TRAF1: variants seen among roughly 807,000 people sequenced by gnomAD.
The protein encoded by TRAF1 is TNF receptor associated factor 1.
A neutral mutation model predicts 40.9 loss-of-function variants in TRAF1; 23 were observed. The ratio of observed to expected loss-of-function variants is 0.56; its 90% CI spans 0.40 to 0.80. TRAF1 has a LOEUF of 0.80. Ranked by LOEUF, TRAF1 falls within the 30% of genes least tolerant of loss-of-function variation. The probability of loss-of-function intolerance (pLI) is 0.00; values close to 1 mark genes in which losing one functional copy is unlikely to be tolerated. For synonymous variants in TRAF1, 206 were observed against 218.8 expected (o/e 0.94, Z 0.52); for missense variants, 477 against 528.7 (o/e 0.90, Z 0.96).
Position 120,904,585 on chromosome 9 carries a change from T to G in TRAF1, c.*435A>C. 1 of 188,342 alleles carries G rather than the reference T, an allele frequency of 5.3e-6. No individual in the cohort carries two copies. Among genetic ancestry groups the G allele is most frequent in the East Asian group, 1.4e-4 (1 of 6,992 alleles). The allele number at this position is 188,342 out of a possible 1,614,324, so 11.7% of individuals were successfully genotyped here. A position where few individuals can be genotyped will look rare whatever the true frequency, so the allele number is the denominator to read the frequency against. ...CCCATCCCTTCCACCCGGTCCTGTT[T>G]CTGACCCTGGAGAAAAAGAGAGCAG... is the stretch of plus-strand genomic sequence containing the variant. On this transcript the variant is annotated 3_prime_UTR_variant, in exon 8 of 8. Transcript: ENST00000373887.
chr9:120,904,529 G>A lies in TRAF1; in HGVS notation c.*491C>T, dbSNP rs917180418. The A allele has an allele frequency of 1.3e-5, 2 of 157,182 alleles. No homozygotes were observed. Among genetic ancestry groups the A allele is most frequent in the Non-Finnish European group, 2.8e-5 (2 of 71,080 alleles). 9.7% of individuals were successfully genotyped at this position (157,182 alleles called of 1,614,324 possible). A position where few individuals can be genotyped will look rare whatever the true frequency, so the allele number is the denominator to read the frequency against. ...GGTTTGCTTGTTCACCTCCAATGAC[G>A]AGCCTGGACAGACTGCATTCAAACT... is the stretch of plus-strand genomic sequence containing the variant. On this transcript the variant is annotated 3_prime_UTR_variant, in exon 8 of 8. Coordinates refer to ENST00000373887, the MANE Select transcript of TRAF1 (RefSeq NM_005658.5).
At chr9:120,905,316 T>C in intron 7 of TRAF1, 78 bp from the exon 8 acceptor site, 6 of 1,417,816 alleles carry the variant, frequency 4.2e-6, no homozygotes, top group Non-Finnish European at 5.8e-6. Context: ...GGCTCAGAGC[T>C]GTGCTCCACA....
intron 2 of TRAF1, among the ~76,000 whole-genome samples, chr9:120,924,933 G>A (rs7034492): frequency 0.66 from 100,943 of 152,106 alleles, 33,651 homozygotes; most frequent in South Asian, 0.82. Context: ...GGTTTTGGAA[G>A]GAGGGAGAGG....
In TRAF1 at chr9:120,918,120, T is replaced by C. The variant is rs551329777; in HGVS notation, c.229-3820A>G. 6.6e-5 allele frequency among the ~76,000 whole-genome samples: 10 copies of C among 152,248 alleles called. No individual in the cohort carries two copies. In the South Asian group the frequency reaches 2.1e-3, roughly 32 times the overall value. On this transcript the variant is annotated intron_variant, in intron 3 of 7. Coordinates refer to ENST00000373887, the MANE Select transcript of TRAF1 (RefSeq NM_005658.5). ...GAAACCAACTCGCCAATACCGTGCC[T>C]TGAACTTCTGGCCTCCAGAACTGCG... is the stretch of plus-strand genomic sequence containing the variant.
At chr9:120,921,955 G>C (rs2046608605) in intron 3 of TRAF1, among the ~76,000 whole-genome samples, 1 of 152,200 alleles carries the variant, frequency 6.6e-6, no homozygotes, top group Non-Finnish European at 1.5e-5. Context: ...GCCTTGCAGA[G>C]CTGACTTAAT....
At chr9:120,908,185 G>T (rs1387237390) in intron 7 of TRAF1, among the ~76,000 whole-genome samples, 2 of 151,974 alleles carry the variant, frequency 1.3e-5, no homozygotes, top group African/African-American at 4.8e-5. Flanking sequence ...ATATTCTCTT[G>T]CAGGTCAACA....
rs1404108775 is a variant in TRAF1, at chr9:120,912,422, C to T, written c.705+906G>A. Among the ~76,000 whole-genome samples, 45 of 151,982 alleles carry T rather than the reference C, an allele frequency of 3.0e-4. 1 individual carries two copies. The highest frequency in any genetic ancestry group is 6.6e-5 in the Admixed American group (1 of 15,262). The stretch of plus-strand genomic sequence containing the variant: ...CTGTAATCCCAGCACTTTGGGAGGC[C>T]GAGGCAGGTGGATCACGAGGTCAGG... On this transcript the variant is annotated intron_variant, in intron 5 of 7. Coordinates refer to ENST00000373887, the MANE Select transcript of TRAF1 (RefSeq NM_005658.5).
Position 120,913,380 on chromosome 9 carries a change from G to A in TRAF1, c.653C>T (p.Ser218Phe). ...ACGGTCCAGCTGGCTCTGGTGGATA[G>A]AGGTGGCCAGGGCCAGGTGGGAGGC... is the stretch of plus-strand genomic sequence containing the variant. ...VEASHLALAT[S>F]IHQSQLDRER... The change falls in exon 5 of 8, where the codon TCT becomes TTT. Residue 218 changes from serine to phenylalanine, a missense_variant. Coordinates refer to ENST00000373887, the MANE Select transcript of TRAF1 (RefSeq NM_005658.5). The A allele has an allele frequency of 6.2e-7, 1 of 1,613,890 alleles. No homozygotes were observed.
intron 7 of TRAF1, among the ~76,000 whole-genome samples, chr9:120,906,430 C>T (rs997104296): frequency 2.0e-5 from 3 of 152,128 alleles, no homozygotes; most frequent in Admixed American, 1.3e-4. Flanking sequence ...CCACCCACCT[C>T]GGCCTTCCAA....
At chr9:120,915,137 T>C (rs1292082525) in intron 3 of TRAF1, among the ~76,000 whole-genome samples, 1 of 152,068 alleles carries the variant, frequency 6.6e-6, no homozygotes, top group Non-Finnish European at 1.5e-5. Flanking sequence ...GGGAAAAAAG[T>C]TTTTCCAACA....
chr9:120,919,680 G>T lies in TRAF1; in HGVS notation c.228+4025C>A, dbSNP rs1041896614. ...TCCTGCCCTCCTCTGTAACTGGGCC[G>T]GTTTACTCTCTGTCAGCCTCTGCTC... is the stretch of plus-strand genomic sequence containing the variant. On this transcript the variant is annotated intron_variant, in intron 3 of 7. Coordinates refer to ENST00000373887, the MANE Select transcript of TRAF1 (RefSeq NM_005658.5). Among the ~76,000 whole-genome samples the T allele has an allele frequency of 1.3e-4, 20 of 152,162 alleles. 1 individual carries two copies. The highest frequency in any genetic ancestry group is 3.6e-4 in the African/African-American group (15 of 41,426).
intron 6 of TRAF1, among the ~76,000 whole-genome samples, chr9:120,910,607 G>C (rs1002441113): frequency 6.6e-6 from 1 of 152,128 alleles, no homozygotes; most frequent in African/African-American, 2.4e-5. Flanking sequence ...ACGTTGCCCA[G>C]GCTGGTCTTG....
At chr9:120,907,157 C>T (rs1463314413) in intron 7 of TRAF1, among the ~76,000 whole-genome samples, 2 of 152,196 alleles carry the variant, frequency 1.3e-5, no homozygotes, top group African/African-American at 2.4e-5. Context: ...CCTCTGTGCC[C>T]GGCCTATCTT....
intron 3 of TRAF1, among the ~76,000 whole-genome samples, chr9:120,918,228 G>A (rs1311757919): frequency 2.0e-5 from 3 of 152,054 alleles, no homozygotes; most frequent in African/African-American, 4.8e-5. Flanking sequence ...AGCCATGTGA[G>A]GTCACATACT....
intron 3 of TRAF1, among the ~76,000 whole-genome samples, chr9:120,917,913 C>T (rs2046579653): frequency 6.6e-6 from 1 of 152,138 alleles, no homozygotes; most frequent in Non-Finnish European, 1.5e-5. Flanking sequence ...TCCTAACCAC[C>T]AGTATCTCAG....
Position 120,911,477 on chromosome 9 carries a change from G to T in TRAF1, c.742C>A (p.Gln248Lys). ...ELQQTLAQKD[Q>K]ALGKLEQSLR... ...CTCTGCTCCAGCTTGCCCAGGGCCT[G>T]GTCTTTCTGGGCCAGGGTCTGCTGA... The change falls in exon 6 of 8, where the codon CAG (glutamine) becomes AAG (lysine). Residue 248 changes from glutamine (Q) to lysine (K), a missense_variant. Physicochemically the swap from Gln to Lys is moderately conservative, Grantham distance 53. Transcript: ENST00000373887. 6.2e-7 allele frequency: 1 copy of T among 1,613,170 alleles called. No homozygotes were observed. Among genetic ancestry groups the T allele is most frequent in the Non-Finnish European group, 8.5e-7 (1 of 1,179,894 alleles).
intron 3 of TRAF1, among the ~76,000 whole-genome samples, chr9:120,918,118 C>T (rs2046581086): frequency 6.6e-6 from 1 of 152,082 alleles, no homozygotes; most frequent in Non-Finnish European, 1.5e-5. Flanking sequence ...CAATACCGTG[C>T]CTTGAACTTC....
chr9:120,909,782 A>C (rs994553321), intron 6 of TRAF1, among the ~76,000 whole-genome samples: 5 of 152,216 alleles, frequency 3.3e-5, no homozygotes, highest in African/African-American at 9.6e-5. Context: ...GTGGCTGGTC[A>C]CCATCTCACG....
rs2046444452 is a variant in TRAF1 at position 120,902,487 on chromosome 9, GTGC to G, written c.*2530_*2532del. The G allele has an allele frequency of 7.1e-6, 1 of 140,322 alleles. No homozygotes were observed. Among genetic ancestry groups the G allele is most frequent in the Admixed American group, 7.3e-5 (1 of 13,766 alleles). 8.7% of individuals were successfully genotyped at this position (140,322 alleles called of 1,614,324 possible). A position where few individuals can be genotyped will look rare whatever the true frequency, so the allele number is the denominator to read the frequency against. Reference sequence around the variant, plus strand: ...TCAATAGGCCCAGGGTTACCAGCAGGTGCTCTGTGGGCAGGGCGGGGGGTGGGG... The same window carrying G: ...TCAATAGGCCCAGGGTTACCAGCAGGTCTGTGGGCAGGGCGGGGGGTGGGG... On this transcript the variant is annotated 3_prime_UTR_variant, in exon 8 of 8. Transcript: ENST00000373887.
Sources: gnomAD v4.1 joint callset for allele counts (sites outside exome capture counted in the v4.1 genomes callset) on GRCh38, gnomAD v4.1.1 for gene constraint, MANE v1.5 for transcripts, NCBI Gene and HGNC (gene_info 2026-07-23, HGNC 2026-07-21) for gene names.